The following LAPTM5 variants were observed in gnomAD, a reference collection of about 807,000 sequenced individuals.
The protein encoded by LAPTM5 is lysosomal-associated transmembrane protein 5.
A neutral mutation model predicts 30.1 loss-of-function variants in LAPTM5; 11 were observed. That is an observed-to-expected ratio of 0.37 (90% CI 0.23 to 0.60). LAPTM5 has a LOEUF of 0.60. Among genes scored for constraint, LAPTM5 ranks in the 20% least tolerant of loss-of-function variants. The probability of loss-of-function intolerance (pLI) is 0.71; values close to 1 mark genes in which losing one functional copy is unlikely to be tolerated. For missense variants in LAPTM5, 324 were observed against 332.5 expected, an observed-to-expected ratio of 0.97 and a Z score of 0.20; for synonymous variants, 151 against 137.9, an observed-to-expected ratio of 1.10 and a Z score of -0.67.
intron 1 of LAPTM5, 84 bp from the exon 2 acceptor site, chr1:30,742,633 G>T: frequency 9.1e-7 from 1 of 1,104,030 alleles, no homozygotes; most frequent in Non-Finnish European, 1.3e-6. Flanking sequence ...GTGTACAGCA[G>T]GGAAGCCAGT....
chr1:30,743,200 C>T (rs190886232), intron 1 of LAPTM5, among the ~76,000 whole-genome samples: 134 of 152,332 alleles, frequency 8.8e-4, no homozygotes, highest in African/African-American at 1.7e-3. Context: ...ATAGTAAGCA[C>T]TCAATCTGTG....
At position 30,737,627 on chromosome 1, in the gene LAPTM5, A is replaced by C; in HGVS notation, c.583T>G (p.Phe195Val). 1 of 1,613,428 alleles carries C rather than the reference A, an allele frequency of 6.2e-7. No homozygotes were observed. The change falls in exon 6 of 8, where the codon TTC (phenylalanine) becomes GTC (valine). Residue 195 changes from phenylalanine (F) to valine (V), a missense_variant. Coordinates refer to ENST00000294507, the MANE Select transcript of LAPTM5 (RefSeq NM_006762.3). The stretch of plus-strand genomic sequence containing the variant: ...ACCTTGAAGATAAGGACAGTGATGA[A>C]GGCGATGGAAAAGATGATCATCATC... ...IKMMIIFSIA[F>V]ITVLIFKVYM...
At position 30,733,783 on chromosome 1, in the gene LAPTM5, G is replaced by A. The variant is rs370870412; in HGVS notation, c.*45C>T. 9 of 1,585,836 alleles carry A rather than the reference G, an allele frequency of 5.7e-6. No homozygotes were observed. In the African/African-American group the frequency reaches 1.2e-4, roughly 21 times the overall value. The stretch of plus-strand genomic sequence containing the variant: ...ACCAAAGCAAAAAAGCAGATTATGA[G>A]GCAGCTCCACCCCTCCCAGCACTGG... On this transcript the variant is annotated 3_prime_UTR_variant, in exon 8 of 8. Coordinates refer to ENST00000294507, the MANE Select transcript of LAPTM5 (RefSeq NM_006762.3).
intron 7 of LAPTM5, among the ~76,000 whole-genome samples, chr1:30,734,817 A>G (rs769709162): frequency 6.6e-6 from 1 of 152,230 alleles, no homozygotes; most frequent in Non-Finnish European, 1.5e-5. Context: ...CTGATACCTG[A>G]GAAGAGGCCA....
chr1:30,738,339 G>A (rs1458171164), intron 5 of LAPTM5, among the ~76,000 whole-genome samples: 1 of 152,178 alleles, frequency 6.6e-6, no homozygotes, highest in Non-Finnish European at 1.5e-5. Flanking sequence ...GAAGCCAGCA[G>A]CCATGTCAGG....
chr1:30,756,817 G>A lies in LAPTM5; in HGVS notation c.87+842C>T, dbSNP rs574952752. ...CCCTGAGTCACCCCAGGAGGAAGTCGCTTGGGTCTAGGGGAGATGAGTGTG... is the reference window on the plus strand; with the variant it reads ...CCCTGAGTCACCCCAGGAGGAAGTCACTTGGGTCTAGGGGAGATGAGTGTG... On this transcript the variant is annotated intron_variant, in intron 1 of 7. Transcript: ENST00000294507. Among the ~76,000 whole-genome samples the A allele has an allele frequency of 2.0e-5, 3 of 152,308 alleles. No individual in the cohort carries two copies. The South Asian group carries it at 6.2e-4, about 32-fold the overall frequency.
intron 1 of LAPTM5, among the ~76,000 whole-genome samples, chr1:30,743,064 A>T (rs1347715156): frequency 1.3e-5 from 2 of 152,172 alleles, no homozygotes; most frequent in African/African-American, 4.8e-5. Context: ...ACACAGGCCC[A>T]GGAGGGCCCT....
At chr1:30,754,554 C>T (rs772996891) in intron 1 of LAPTM5, among the ~76,000 whole-genome samples, 2 of 151,926 alleles carry the variant, frequency 1.3e-5, no homozygotes, top group Non-Finnish European at 2.9e-5. Flanking sequence ...AAAAACAAAA[C>T]AAAACAAATC....
At position 30,733,537 on chromosome 1, in the gene LAPTM5, T is replaced by G. The variant is rs1639842898; in HGVS notation, c.*291A>C. The G allele has an allele frequency of 1.4e-6, 2 of 1,461,094 alleles. No homozygotes were observed. Among genetic ancestry groups the G allele is most frequent in the Admixed American group, 2.1e-5 (1 of 48,446 alleles). The allele number at this position is 1,461,094 out of a possible 1,614,324, so 90.5% of individuals were successfully genotyped here. ...TAGTTGCTTGACAAACTCACCAACTTTAGAATGGCCAATCGTCTAAACAAG... is the reference window on the plus strand; with the variant it reads ...TAGTTGCTTGACAAACTCACCAACTGTAGAATGGCCAATCGTCTAAACAAG... On this transcript the variant is annotated 3_prime_UTR_variant, in exon 8 of 8. Transcript: ENST00000294507.
Position 30,739,276 on chromosome 1 carries a change from G to C in LAPTM5, c.388-214C>G. ...CTAGAACCAAGGTCTCCAGACTCCCGGGCCAGGGCCCTTCCATGATGTAGC... is the reference window on the plus strand; with the variant it reads ...CTAGAACCAAGGTCTCCAGACTCCCCGGCCAGGGCCCTTCCATGATGTAGC... On this transcript the variant is annotated intron_variant, in intron 4 of 7. Transcript: ENST00000294507. The surrounding 1 kb of genome is among the most constrained non-coding windows in gnomAD (Gnocchi z 4.2). 1 of 523,250 alleles carries C rather than the reference G, an allele frequency of 1.9e-6. No individual in the cohort carries two copies. Among genetic ancestry groups the C allele is most frequent in the Non-Finnish European group, 3.3e-6 (1 of 301,586 alleles). The allele number at this position is 523,250 out of a possible 1,614,324, so 32.4% of individuals were successfully genotyped here.
chr1:30,751,758 C>T (rs957198546), intron 1 of LAPTM5, among the ~76,000 whole-genome samples: 2 of 152,078 alleles, frequency 1.3e-5, no homozygotes, highest in African/African-American at 4.8e-5. Context: ...GGGCGGGGGG[C>T]CTTGTGTTCT....
chr1:30,745,515 C>A (rs895406350), intron 1 of LAPTM5, among the ~76,000 whole-genome samples: 1 of 152,062 alleles, frequency 6.6e-6, no homozygotes, highest in African/African-American at 2.4e-5. Flanking sequence ...AAAACCCAGG[C>A]TCACCCTCCC....
intron 5 of LAPTM5, among the ~76,000 whole-genome samples, chr1:30,738,049 A>AG (rs1639913645): frequency 6.6e-6 from 1 of 152,138 alleles, no homozygotes; most frequent in Non-Finnish European, 1.5e-5. Flanking sequence ...ATCCACTAAT[A>AG]CCTGGGAGGT....
In LAPTM5 at chr1:30,739,872, G is replaced by A. The variant is rs1365239802; in HGVS notation, c.324C>T (p.Leu108=). 6.2e-7 allele frequency: 1 copy of A among 1,608,572 alleles called. No homozygotes were observed. Among genetic ancestry groups the A allele is most frequent in the Non-Finnish European group, 8.5e-7 (1 of 1,177,242 alleles). Residue 108 remains leucine, a synonymous_variant, in exon 4 of 8, where the codon CTC becomes CTT. Coordinates refer to ENST00000294507, the MANE Select transcript of LAPTM5 (RefSeq NM_006762.3). The surrounding 1 kb of genome is among the most constrained non-coding windows in gnomAD (Gnocchi z 4.2). ...GCTCAATGTAGGAGCCCAGCAGGGTGAGCAGGCACAGGAGATAGTCCATGA... is the reference window on the plus strand; with the variant it reads ...GCTCAATGTAGGAGCCCAGCAGGGTAAGCAGGCACAGGAGATAGTCCATGA... ...LQIMDYLLCL[L]TLLGSYIELP... is the part of the protein sequence containing the mutation.
At chr1:30,743,145 T>C (rs1569861907) in intron 1 of LAPTM5, among the ~76,000 whole-genome samples, 1 of 152,164 alleles carries the variant, frequency 6.6e-6, no homozygotes, top group African/African-American at 2.4e-5. Flanking sequence ...CCTCATAGGA[T>C]TGTGGTGGGG....
chr1:30,748,934 G>A (rs1417504991), intron 1 of LAPTM5, among the ~76,000 whole-genome samples: 1 of 152,228 alleles, frequency 6.6e-6, no homozygotes, highest in Non-Finnish European at 1.5e-5. Flanking sequence ...AGGGAGAGAA[G>A]AATCCATCCA....
intron 1 of LAPTM5, among the ~76,000 whole-genome samples, chr1:30,747,634 C>A (rs1640067492): frequency 1.3e-5 from 2 of 152,276 alleles, no homozygotes; most frequent in Middle Eastern, 6.8e-3. Flanking sequence ...GGATTTGTTT[C>A]TTTTCCTGGT....
In LAPTM5 at chr1:30,733,523, C is replaced by T. The variant is rs1051230974; in HGVS notation, c.*305G>A. ...ACTGATCAAGTCGATAGTTGCTTGA[C>T]AAACTCACCAACTTTAGAATGGCCA... On this transcript the variant is annotated 3_prime_UTR_variant, in exon 8 of 8. Coordinates refer to ENST00000294507, the MANE Select transcript of LAPTM5 (RefSeq NM_006762.3). 2.4e-5 allele frequency: 35 copies of T among 1,442,702 alleles called. No individual in the cohort carries two copies. The Admixed American group carries it at 6.3e-4, about 26-fold the overall frequency. The allele number at this position is 1,442,702 out of a possible 1,614,324, so 89.4% of individuals were successfully genotyped here.
chr1:30,755,258 G>A (rs1461029285), intron 1 of LAPTM5, among the ~76,000 whole-genome samples: 3 of 151,912 alleles, frequency 2.0e-5, no homozygotes, highest in East Asian at 3.9e-4. Flanking sequence ...AGGGAGATGG[G>A]CAGTGCTGCT....
Sources: allele counts gnomAD v4.1 joint callset (sites outside exome capture counted in the v4.1 genomes callset), GRCh38; gene constraint gnomAD v4.1.1; non-coding constraint Gnocchi (gnomAD v3.1); transcripts MANE v1.5; gene names NCBI Gene and HGNC (gene_info 2026-07-23, HGNC 2026-07-21).